ASB4: variants seen among roughly 807,000 people sequenced by gnomAD.
ASB4 encodes the protein ankyrin repeat and SOCS box containing 4.
A neutral mutation model predicts 38.6 loss-of-function variants in ASB4; 35 were observed. The ratio of observed to expected loss-of-function variants is 0.91; its 90% CI spans 0.69 to 1.20. The LOEUF (loss-of-function observed/expected upper bound fraction) is 1.20, where lower values mean the gene tolerates loss of function less well. ASB4 is among the 50% of genes most tolerant of loss of function. The pLI, the probability that ASB4 is intolerant of heterozygous loss-of-function variation, is 0.00. For missense variants in ASB4, 557 were observed against 527.2 expected, an observed-to-expected ratio of 1.06 and a Z score of -0.55; for synonymous variants, 195 against 201.3, an observed-to-expected ratio of 0.97 and a Z score of 0.26.
the ASB4 span, among the ~76,000 whole-genome samples, chr7:95,549,301 A>ATTTTTTTTTTTTTTTTTTTTTTTTTTT: frequency 8.7e-6 from 1 of 114,862 alleles, no homozygotes; most frequent in African/African-American, 3.7e-5. Context: ...AGGAGACTCC[A>ATTTTTTTTTTTTTTTTTTTTTTTTTTT]TTTTTTTTTT....
intron 3 of ASB4, among the ~76,000 whole-genome samples, chr7:95,536,020 T>C (rs530473028): frequency 6.6e-6 from 1 of 152,376 alleles, no homozygotes; most frequent in South Asian, 2.1e-4. Flanking sequence ...TTCAATTATG[T>C]ACAAAGGCAA....
At chr7:95,536,675 T>C (rs1790894588) in intron 4 of ASB4, 125 bp downstream of exon 4, 1 of 579,672 alleles carries the variant, frequency 1.7e-6, no homozygotes, top group African/African-American at 1.9e-5. Flanking sequence ...TCAAATGCAA[T>C]GAGACAAAGG....
chr7:95,521,581 A>G (rs944958281), intron 2 of ASB4, among the ~76,000 whole-genome samples: 2 of 152,070 alleles, frequency 1.3e-5, no homozygotes, highest in African/African-American at 4.8e-5. Flanking sequence ...GCACAGTTTG[A>G]AAGATATTTA....
chr7:95,532,075 CTA>C (rs1790826770), intron 3 of ASB4, among the ~76,000 whole-genome samples: 1 of 152,154 alleles, frequency 6.6e-6, no homozygotes, highest in Admixed American at 6.5e-5. Flanking sequence ...TAAAGAAAAA[CTA>C]TTCAATTTAC....
At chr7:95,530,794 T>C (rs1030055086) in intron 3 of ASB4, among the ~76,000 whole-genome samples, 2 of 152,140 alleles carry the variant, frequency 1.3e-5, no homozygotes, top group African/African-American at 4.8e-5. Context: ...ATTTATATTC[T>C]AAAATGGTCC....
At chr7:95,532,270 T>C (rs1405268296) in intron 3 of ASB4, among the ~76,000 whole-genome samples, 12 of 152,202 alleles carry the variant, frequency 7.9e-5, no homozygotes, top group Admixed American at 7.2e-4. Flanking sequence ...GCTGAAGATG[T>C]TTTCTTCCAA....
chr7:95,470,825 C>T, the ASB4 span, among the ~76,000 whole-genome samples: 2 of 152,110 alleles, frequency 1.3e-5, no homozygotes, highest in Admixed American at 6.5e-5. Context: ...TCTTTTTTCC[C>T]CCCATTAGGA....
chr7:95,473,924 G>A (rs1379122813), upstream of ASB4: 3 of 152,150 alleles, frequency 2.0e-5, no homozygotes, highest in African/African-American at 4.8e-5. Context: ...AGAAGGAACC[G>A]GATGGCTTTG....
the ASB4 span, among the ~76,000 whole-genome samples, chr7:95,471,327 T>G: frequency 1.2e-3 from 187 of 152,316 alleles, no homozygotes; most frequent in African/African-American, 4.4e-3. Flanking sequence ...TCCTGCACGC[T>G]TCCTCATTTG....
chr7:95,527,766 T>C, intron 2 of ASB4, 47 bp from the exon 3 acceptor site: 1 of 1,521,472 alleles, frequency 6.6e-7, no homozygotes, highest in South Asian at 1.2e-5. Flanking sequence ...TTAGGAATAA[T>C]GACAAAACAT....
At chr7:95,523,563 G>C (rs545399984) in intron 2 of ASB4, among the ~76,000 whole-genome samples, 2 of 152,168 alleles carry the variant, frequency 1.3e-5, no homozygotes, top group African/African-American at 4.8e-5. Context: ...TGCTTAGTGA[G>C]GTAATTAGTC....
chr7:95,506,250 C>T (rs1259796435), intron 2 of ASB4, among the ~76,000 whole-genome samples: 2 of 152,146 alleles, frequency 1.3e-5, no homozygotes, highest in East Asian at 3.9e-4. Context: ...GGTATTTTAT[C>T]AATGTTATTT....
chr7:95,486,239 A>C, intron 1 of ASB4, 81 bp downstream of exon 1: 3 of 1,074,172 alleles, frequency 2.8e-6, no homozygotes, highest in Non-Finnish European at 4.0e-6. Flanking sequence ...CACTCTAAAC[A>C]GTAGTTTTTA....
chr7:95,539,973 T>C lies in ASB4; in HGVS notation c.*2214T>C, dbSNP rs1784408226. On this transcript the variant is annotated 3_prime_UTR_variant, in exon 5 of 5. Transcript: ENST00000325885. ...GCTTGCTGCCCTGCATCTTAAGGCGTATTCTAGCAGCAAAGCTTGTGATGC... is the reference window on the plus strand; with the variant it reads ...GCTTGCTGCCCTGCATCTTAAGGCGCATTCTAGCAGCAAAGCTTGTGATGC... 1.3e-5 allele frequency: 2 copies of C among 152,172 alleles called. No individual in the cohort carries two copies. The highest frequency in any genetic ancestry group is 4.8e-5 in the African/African-American group (2 of 41,442). 9.4% of individuals were successfully genotyped at this position (152,172 alleles called of 1,614,324 possible).
chr7:95,475,753 T>C (rs141630664), upstream of ASB4, among the ~76,000 whole-genome samples: 1 of 152,328 alleles, frequency 6.6e-6, no homozygotes, highest in African/African-American at 2.4e-5. Context: ...AACCAAATCA[T>C]GTATTCCAGT....
rs986241856 is a variant in ASB4 at position 95,485,948 on chromosome 7, A to G, written c.-24A>G. On this transcript the variant is annotated 5_prime_UTR_variant, in exon 1 of 5. Coordinates refer to ENST00000325885, the MANE Select transcript of ASB4 (RefSeq NM_016116.3). ...TGCTGTTCTCTCGATAAATCACAAC[A>G]AAGCTTCCAGAGGGAGAGGAAGGAT... The G allele has an allele frequency of 6.2e-6, 10 of 1,608,250 alleles. No individual in the cohort carries two copies. Among genetic ancestry groups the G allele is most frequent in the Non-Finnish European group, 5.9e-6 (7 of 1,176,518 alleles).
chr7:95,544,528 T>C (rs939929549), downstream of ASB4: 3 of 152,228 alleles, frequency 2.0e-5, no homozygotes, highest in Admixed American at 1.3e-4. Flanking sequence ...GAAAAATATA[T>C]GGACTTTGGA....
In ASB4 at chr7:95,528,060, C is replaced by A. The variant is rs1446103588; in HGVS notation, c.735C>A (p.Val245=). The A allele has an allele frequency of 6.2e-7, 1 of 1,614,198 alleles. No individual in the cohort carries two copies. The highest frequency in any genetic ancestry group is 1.3e-5 in the African/African-American group (1 of 75,060). ...CRMLLDYKAE[V]NARDDDFKSP... is the part of the protein sequence containing the mutation. ...TGCTGCTTGACTACAAAGCCGAAGT[C>A]AATGCCCGAGATGACGACTTTAAAT... Residue 245 remains valine (V), a synonymous_variant, in exon 3 of 5, where the codon GTC becomes GTA. Coordinates refer to ENST00000325885, the MANE Select transcript of ASB4 (RefSeq NM_016116.3).
upstream of ASB4, among the ~76,000 whole-genome samples, chr7:95,474,407 G>GT (rs1239324227): frequency 4.0e-5 from 6 of 151,854 alleles, no homozygotes; most frequent in Admixed American, 1.3e-4. Context: ...TTATCAATTT[G>GT]TTTTTTTTAT....
Sources: allele counts gnomAD v4.1 joint callset (sites outside exome capture counted in the v4.1 genomes callset), GRCh38; gene constraint gnomAD v4.1.1; transcripts MANE v1.5; gene names NCBI Gene and HGNC (gene_info 2026-07-23, HGNC 2026-07-21).